The following KRT78 variants were observed in gnomAD, a reference collection of about 807,000 sequenced individuals.
The protein encoded by KRT78 is keratin 78, also known as keratin, type II cytoskeletal 78.
In KRT78, 55 loss-of-function variants were observed where a neutral mutation model predicts 51.4. The ratio of observed to expected loss-of-function variants is 1.07; its 90% CI spans 0.86 to 1.34. KRT78 has a LOEUF of 1.34. Among genes scored for constraint, KRT78 ranks in the 40% most tolerant of loss-of-function variants. The pLI is 0.00. For missense variants in KRT78, 652 were observed against 649.4 expected (o/e 1.00, Z -0.04); for synonymous variants, 291 against 264.3 (o/e 1.10, Z -0.98).
intron 4 of KRT78, 157 bp downstream of exon 4, chr12:52,846,040 G>A: frequency 1.7e-6 from 1 of 604,478 alleles, no homozygotes; most frequent in East Asian, 2.8e-5. Flanking sequence ...AATTCACATA[G>A]TAAGTTTTCA....
At position 52,838,949 on chromosome 12, in the gene KRT78, T is replaced by G. The variant is rs1940407454; in HGVS notation, c.*164A>C. ...TTTGCTGGGTGAGGTGTGCAAGCACTTAGAGCATTCAGAACAGCAGGAGGG... is the reference window on the plus strand; with the variant it reads ...TTTGCTGGGTGAGGTGTGCAAGCACGTAGAGCATTCAGAACAGCAGGAGGG... On this transcript the variant is annotated 3_prime_UTR_variant, in exon 9 of 9. Coordinates refer to ENST00000304620, the MANE Select transcript of KRT78 (RefSeq NM_173352.4). The G allele has an allele frequency of 1.2e-6, 1 of 803,180 alleles. No homozygotes were observed. The highest frequency in any genetic ancestry group is 1.7e-5 in the African/African-American group (1 of 58,516). 49.8% of individuals were successfully genotyped at this position (803,180 alleles called of 1,614,324 possible).
intron 3 of KRT78, among the ~76,000 whole-genome samples, chr12:52,846,523 C>A (rs1940646364): frequency 6.6e-6 from 1 of 152,164 alleles, no homozygotes; most frequent in Non-Finnish European, 1.5e-5. Context: ...CTGCTTCTTC[C>A]TCTCCCTCCC....
chr12:52,840,713 A>G (rs1940474598), intron 6 of KRT78, among the ~76,000 whole-genome samples: 1 of 152,054 alleles, frequency 6.6e-6, no homozygotes, highest in African/African-American at 2.4e-5. Context: ...CTCAAAAAAT[A>G]GAAAGAAGAA....
chr12:52,846,858 GCTCCACGGTCAGAGCT>G, intron 2 of KRT78, 34 bp from the exon 3 acceptor site: 1 of 1,566,422 alleles, frequency 6.4e-7, no homozygotes, highest in Non-Finnish European at 8.8e-7. Context: ...GCAGTTTGAG[GCTCCACGGTCAGAGCT>G]CATGCCCCCA....
chr12:52,839,622 C>A, intron 7 of KRT78, 135 bp from the exon 8 acceptor site: 1 of 1,280,572 alleles, frequency 7.8e-7, no homozygotes, highest in South Asian at 1.4e-5. Context: ...ACTTAAAATC[C>A]CTCTCTGCAG....
At position 52,839,197 on chromosome 12, in the gene KRT78, C is replaced by T. The variant is rs1048237511; in HGVS notation, c.1479G>A (p.Val493=). ...GKDPVLDSCS[V]SGSSAGSSCH... The stretch of plus-strand genomic sequence containing the variant: ...AGCTGGAGCCAGCGCTGGAGCCAGA[C>T]ACAGAGCAGGAATCCAAAACAGGGT... Residue 493 remains valine, a synonymous_variant, in exon 9 of 9, where the codon GTG becomes GTA. Transcript: ENST00000304620. 6 of 1,612,904 alleles carry T rather than the reference C, an allele frequency of 3.7e-6. No individual in the cohort carries two copies. The African/African-American group carries it at 6.7e-5, about 18-fold the overall frequency.
At position 52,839,071 on chromosome 12, in the gene KRT78, G is replaced by A. The variant is rs1419245160; in HGVS notation, c.*42C>T. ...CTTGCAGAGCCGGCTGATGGGGGGA[G>A]TGGGCCAAATGTGTTCAGGAAGGAG... is the stretch of plus-strand genomic sequence containing the variant. On this transcript the variant is annotated 3_prime_UTR_variant, in exon 9 of 9. Transcript: ENST00000304620. 2.5e-6 allele frequency: 4 copies of A among 1,586,672 alleles called. No homozygotes were observed. The African/African-American group carries it at 5.4e-5, about 21-fold the overall frequency.
intron 6 of KRT78, among the ~76,000 whole-genome samples, chr12:52,843,783 A>C (rs1460244397): frequency 6.6e-6 from 1 of 152,160 alleles, no homozygotes; most frequent in Non-Finnish European, 1.5e-5. Flanking sequence ...AAGGGGCTGA[A>C]AGCAAGATGT....
rs866499539 is a variant in KRT78, at chr12:52,848,562, A to T, written c.369T>A (p.Ala123=). ...TGACCCTCACCTTGTCAATGAAGGA[A>T]GCAAACTGGTTGTTGAGGGTTCTGA... ...QEIRTLNNQF[A]SFIDKVRFLE... The change falls in exon 1 of 9, where the codon GCT becomes GCA. Residue 123 remains alanine, a synonymous_variant. Coordinates refer to ENST00000304620, the MANE Select transcript of KRT78 (RefSeq NM_173352.4). 3 of 1,614,066 alleles carry T rather than the reference A, an allele frequency of 1.9e-6. No homozygotes were observed. The highest frequency in any genetic ancestry group is 1.6e-4 in the Middle Eastern group (1 of 6,062).
chr12:52,848,943 C>G lies in KRT78; in HGVS notation c.-13G>C. ...GGGAGAGAGACATGGCAGAGACAGA[C>G]AGTCACGCAGCTGCAGACGGACAGA... On this transcript the variant is annotated 5_prime_UTR_variant, in exon 1 of 9. Transcript: ENST00000304620. The G allele has an allele frequency of 6.5e-7, 1 of 1,530,026 alleles. No individual in the cohort carries two copies. The highest frequency in any genetic ancestry group is 8.7e-7 in the Non-Finnish European group (1 of 1,144,176). 94.8% of individuals were successfully genotyped at this position (1,530,026 alleles called of 1,614,324 possible). A position where few individuals can be genotyped will look rare whatever the true frequency, so the allele number is the denominator to read the frequency against.
At chr12:52,846,584 G>A (rs976749662) in intron 3 of KRT78, among the ~76,000 whole-genome samples, 180 bp downstream of exon 3, 1 of 151,654 alleles carries the variant, frequency 6.6e-6, no homozygotes, top group Admixed American at 6.7e-5. Flanking sequence ...CCTTTAGTCA[G>A]ATCTTGCCTT....
rs1277998829 is a variant in KRT78 at position 52,838,888 on chromosome 12, C to T, written c.*225G>A. ...ACACAGATATGCCACAATTGCCTTC[C>T]GAGGAGAGGAAGCTGGGGAGCCACA... is the stretch of plus-strand genomic sequence containing the variant. On this transcript the variant is annotated 3_prime_UTR_variant, in exon 9 of 9. Coordinates refer to ENST00000304620, the MANE Select transcript of KRT78 (RefSeq NM_173352.4). 1.9e-5 allele frequency: 11 copies of T among 591,908 alleles called. No individual in the cohort carries two copies. The highest frequency in any genetic ancestry group is 9.3e-5 in the African/African-American group (5 of 53,700). The allele number at this position is 591,908 out of a possible 1,614,324, so 36.7% of individuals were successfully genotyped here. A position where few individuals can be genotyped will look rare whatever the true frequency, so the allele number is the denominator to read the frequency against.
intron 6 of KRT78, among the ~76,000 whole-genome samples, chr12:52,840,584 G>A (rs376343805): frequency 6.6e-6 from 1 of 152,176 alleles, no homozygotes; most frequent in Non-Finnish European, 1.5e-5. Context: ...GCACGCACCT[G>A]TAGTCCCAGC....
rs373055664 is a variant in KRT78 at position 52,839,791 on chromosome 12, C to T, written c.1241G>A (p.Arg414His). 8.1e-6 allele frequency: 13 copies of T among 1,613,912 alleles called. No homozygotes were observed. The highest frequency in any genetic ancestry group is 1.6e-4 in the Middle Eastern group (1 of 6,084). ...GCACTCCTCGCCCTCCAGCAGCCTGCGGTAAGTGGCAATCTCCACATCCAG... is the reference window on the plus strand; with the variant it reads ...GCACTCCTCGCCCTCCAGCAGCCTGTGGTAAGTGGCAATCTCCACATCCAG... ...LSLDVEIATY[R>H]RLLEGEECRM... is the part of the protein sequence containing the mutation. Residue 414 changes from arginine to histidine, a missense_variant, in exon 7 of 9, where the codon CGC becomes CAC. By Grantham distance (29) the Arg-to-His change is conservative. Coordinates refer to ENST00000304620, the MANE Select transcript of KRT78 (RefSeq NM_173352.4).
At chr12:52,839,728 A>C (rs1227955555) in intron 7 of KRT78, 36 bp downstream of exon 7, 1 of 1,581,144 alleles carries the variant, frequency 6.3e-7, no homozygotes, top group Non-Finnish European at 8.7e-7. Flanking sequence ...CTCCTCCCCA[A>C]ACTCATATTC....
chr12:52,841,465 T>G (rs1355826725), intron 6 of KRT78, among the ~76,000 whole-genome samples: 2 of 148,884 alleles, frequency 1.3e-5, no homozygotes, highest in African/African-American at 5.0e-5. Context: ...CCAGCCTGGG[T>G]GACAGAGTGA....
intron 6 of KRT78, among the ~76,000 whole-genome samples, chr12:52,841,346 G>A (rs1940494369): frequency 6.6e-6 from 1 of 151,690 alleles, no homozygotes; most frequent in Admixed American, 6.6e-5. Flanking sequence ...AATTAGCCGG[G>A]CATGGTGGCA....
chr12:52,846,733 A>ACGT, intron 3 of KRT78, 31 bp downstream of exon 3: 1 of 1,599,778 alleles, frequency 6.3e-7, no homozygotes, highest in South Asian at 1.1e-5. Context: ...GATGCTCAGA[A>ACGT]CGTAAGTGGA....
rs758730975 is a variant in KRT78, at chr12:52,839,988, G to A, written c.1048-4C>T. 2.5e-6 allele frequency: 4 copies of A among 1,610,980 alleles called. No individual in the cohort carries two copies. Among genetic ancestry groups the A allele is most frequent in the East Asian group, 2.2e-5 (1 of 44,808 alleles). ...TGGCGGCCTGCAGGCTGGCGTTCTG[G>A]AAGCGGGGTAGAAATGAGCGAGAAG... is the stretch of plus-strand genomic sequence containing the variant. On this transcript the variant is annotated splice_polypyrimidine_tract_variant and splice_region_variant and intron_variant, in intron 6 of 8. Coordinates refer to ENST00000304620, the MANE Select transcript of KRT78 (RefSeq NM_173352.4).
Sources: allele counts gnomAD v4.1 joint callset (sites outside exome capture counted in the v4.1 genomes callset), GRCh38; gene constraint gnomAD v4.1.1; transcripts MANE v1.5; gene names NCBI Gene and HGNC (gene_info 2026-07-23, HGNC 2026-07-21).